EFL1: variants seen among roughly 807,000 people sequenced by gnomAD.
EFL1 encodes the protein elongation factor like GTPase 1, also known as elongation factor-like GTPase 1.
A neutral mutation model predicts 126.7 loss-of-function variants in EFL1; 76 were observed. The observed-to-expected ratio is 0.60, with a 90% confidence interval of 0.50 to 0.73. The LOEUF is 0.73. Among genes scored for constraint, EFL1 ranks in the 30% least tolerant of loss-of-function variants. EFL1 has a pLI of 0.00. For synonymous variants in EFL1, 410 were observed against 448.4 expected (o/e 0.91, Z 1.08); for missense variants, 1,128 against 1,343.2 (o/e 0.84, Z 2.50).
At chr15:82,148,982 T>C (rs539443957) in intron 18 of EFL1, among the ~76,000 whole-genome samples, 1 of 145,606 alleles carries the variant, frequency 6.9e-6, no homozygotes, top group South Asian at 2.2e-4. Context: ...TTTTTTTTTT[T>C]CTAACATGAT....
At chr15:82,150,938 G>C (rs1017571308) in intron 18 of EFL1, among the ~76,000 whole-genome samples, 10 of 152,122 alleles carry the variant, frequency 6.6e-5, no homozygotes, top group Admixed American at 1.3e-4. Flanking sequence ...TTACGGAAAG[G>C]ATTCTATTTG....
At chr15:82,207,286 G>A (rs1280234384) in intron 15 of EFL1, among the ~76,000 whole-genome samples, 20 of 140,028 alleles carry the variant, frequency 1.4e-4, no homozygotes, top group Admixed American at 4.3e-4. Context: ...TTATGTGTGT[G>A]TATATATATA....
intron 15 of EFL1, among the ~76,000 whole-genome samples, chr15:82,203,891 C>T (rs150695380): frequency 3.2e-3 from 483 of 152,288 alleles, no homozygotes; most frequent in African/African-American, 0.011. Flanking sequence ...AACAGTGCTA[C>T]TATAAATATC....
In EFL1 at chr15:82,216,617, A is replaced by C. The variant is rs2074649536; in HGVS notation, c.1612-1762T>G. Among the ~76,000 whole-genome samples the C allele has an allele frequency of 2.0e-5, 3 of 152,192 alleles. No homozygotes were observed. The South Asian group carries it at 6.2e-4, about 31-fold the overall frequency. ...GCTAATCAGTGGATAAAGATGGACTATTCAATAATGTTGGAACAGCTGGAC... is the reference window on the plus strand; with the variant it reads ...GCTAATCAGTGGATAAAGATGGACTCTTCAATAATGTTGGAACAGCTGGAC... On this transcript the variant is annotated intron_variant, in intron 14 of 19. Coordinates refer to ENST00000268206, the MANE Select transcript of EFL1 (RefSeq NM_024580.6).
intron 19 of EFL1, among the ~76,000 whole-genome samples, chr15:82,137,419 C>T (rs1313660589): frequency 6.6e-6 from 1 of 152,136 alleles, no homozygotes; most frequent in African/African-American, 2.4e-5. Flanking sequence ...ATGAATGCCA[C>T]ACCGCTGAGA....
intron 4 of EFL1, among the ~76,000 whole-genome samples, chr15:82,242,386 GC>G (rs2074940362): frequency 7.5e-6 from 1 of 133,524 alleles, no homozygotes; most frequent in Non-Finnish European, 1.5e-5. Flanking sequence ...TCCTTTTTGT[GC>G]CATGTTGGTA....
intron 15 of EFL1, among the ~76,000 whole-genome samples, chr15:82,174,775 G>A (rs895767937): frequency 3.9e-5 from 6 of 152,202 alleles, no homozygotes; most frequent in Non-Finnish European, 7.4e-5. Context: ...ACAGGCCACC[G>A]TGGAATTATA....
At chr15:82,239,947 CT>C (rs1271448667) in intron 6 of EFL1, among the ~76,000 whole-genome samples, 3 of 152,178 alleles carry the variant, frequency 2.0e-5, no homozygotes, top group Non-Finnish European at 4.4e-5. Flanking sequence ...TTTGTCTCCC[CT>C]ACTATACTGT....
intron 18 of EFL1, among the ~76,000 whole-genome samples, chr15:82,140,341 CA>C (rs937200295): frequency 6.6e-6 from 1 of 151,932 alleles, no homozygotes; most frequent in Non-Finnish European, 1.5e-5. Flanking sequence ...TTTTTTCCCC[CA>C]ATTTTCATTC....
At chr15:82,219,590 A>C (rs1382701036) in intron 14 of EFL1, 62 bp downstream of exon 14, 1 of 1,524,892 alleles carries the variant, frequency 6.6e-7, no homozygotes, top group Admixed American at 2.1e-5. Context: ...GTCCCAACAA[A>C]ATGTGAAAAG....
intron 4 of EFL1, among the ~76,000 whole-genome samples, chr15:82,251,346 C>T (rs1837619082): frequency 6.6e-6 from 1 of 152,188 alleles, no homozygotes; most frequent in South Asian, 2.1e-4. Flanking sequence ...TACAATACTA[C>T]ACCAGAAAGA....
At chr15:82,180,521 A>G (rs1346123801) in intron 15 of EFL1, among the ~76,000 whole-genome samples, 1 of 152,174 alleles carries the variant, frequency 6.6e-6, no homozygotes. Flanking sequence ...AGAAAAACAT[A>G]AAATTTATTC....
intron 15 of EFL1, among the ~76,000 whole-genome samples, chr15:82,164,894 C>CT: frequency 7.9e-6 from 1 of 126,922 alleles, no homozygotes. Context: ...GAGATTCCAC[C>CT]TCAAAAAAAA....
chr15:82,202,261 G>A (rs1387524726), intron 15 of EFL1, among the ~76,000 whole-genome samples: 2 of 151,886 alleles, frequency 1.3e-5, no homozygotes, highest in South Asian at 2.1e-4. Context: ...TTTTCCCCCA[G>A]AAAAGTACTC....
intron 5 of EFL1, 58 bp from the exon 6 acceptor site, chr15:82,240,613 T>A: frequency 6.3e-7 from 1 of 1,591,606 alleles, no homozygotes; most frequent in African/African-American, 1.4e-5. Flanking sequence ...TAGAGCACAT[T>A]AGAAAATCGT....
chr15:82,201,437 T>C (rs1398380377), intron 15 of EFL1, among the ~76,000 whole-genome samples: 1 of 152,162 alleles, frequency 6.6e-6, no homozygotes, highest in Non-Finnish European at 1.5e-5. Flanking sequence ...AGGCCAAGTG[T>C]TTTTTAAAAG....
At chr15:82,236,400 C>T (rs1251329572) in intron 7 of EFL1, among the ~76,000 whole-genome samples, 1 of 152,150 alleles carries the variant, frequency 6.6e-6, no homozygotes, top group Non-Finnish European at 1.5e-5. Context: ...CAGAAATAAT[C>T]TACCTGATTT....
chr15:82,149,215 T>G (rs2073882109), intron 18 of EFL1, among the ~76,000 whole-genome samples: 1 of 152,080 alleles, frequency 6.6e-6, no homozygotes, highest in Non-Finnish European at 1.5e-5. Flanking sequence ...GTTATATAAC[T>G]TAAGAAAAAA....
intron 15 of EFL1, among the ~76,000 whole-genome samples, chr15:82,203,115 C>G (rs1435290372): frequency 6.6e-6 from 1 of 151,830 alleles, no homozygotes; most frequent in Non-Finnish European, 1.5e-5. Context: ...CCAGACTGTT[C>G]CCTAACTTTT....
Sources: gnomAD v4.1 joint callset for allele counts (sites outside exome capture counted in the v4.1 genomes callset) on GRCh38, gnomAD v4.1.1 for gene constraint, MANE v1.5 for transcripts, NCBI Gene and HGNC (gene_info 2026-07-23, HGNC 2026-07-21) for gene names.